The following LRRK1 variants were observed in gnomAD, a reference collection of about 807,000 sequenced individuals.
LRRK1 encodes leucine rich repeat kinase 1.
Under a neutral mutation model 209.1 loss-of-function variants are expected in LRRK1, and 113 were observed. The ratio of observed to expected loss-of-function variants is 0.54; its 90% CI spans 0.46 to 0.63. LRRK1 has a LOEUF of 0.63. Ranked by LOEUF, LRRK1 falls within the 30% of genes least tolerant of loss-of-function variation. The pLI is 0.00. For synonymous variants in LRRK1, 1,144 were observed against 1,099.7 expected, an observed-to-expected ratio of 1.04 and a Z score of -0.80; for missense variants, 2,284 against 2,632.2, an observed-to-expected ratio of 0.87 and a Z score of 2.89.
intron 3 of LRRK1, 80 bp downstream of exon 3, chr15:100,974,047 AT>A: frequency 4.3e-6 from 5 of 1,162,750 alleles, no homozygotes; most frequent in African/African-American, 1.6e-5. Flanking sequence ...TTTTCTCGTT[AT>A]TGTCATAACG....
chr15:100,922,765 G>A (rs888556106), intron 1 of LRRK1, among the ~76,000 whole-genome samples: 6 of 151,986 alleles, frequency 3.9e-5, no homozygotes, highest in African/African-American at 1.5e-4. Context: ...TTCCTCCTTC[G>A]ACTTTTCAGG....
Position 100,973,810 on chromosome 15 carries a change from G to C in LRRK1, c.104G>C (p.Gly35Ala), listed in dbSNP as rs1011877404. 1.1e-5 allele frequency: 14 copies of C among 1,292,116 alleles called. No homozygotes were observed. The highest frequency in any genetic ancestry group is 1.4e-5 in the Non-Finnish European group (14 of 1,017,442). The allele number at this position is 1,292,116 out of a possible 1,614,324, so 80.0% of individuals were successfully genotyped here. ...ERAMETLNGA[G>A]DTGGKPSTRG... ...TGTGCTTCCTCCCGCGCAGGTGCCGGGGACACGGGCGGCAAGCCGTCCACG... is the reference window on the plus strand; with the variant it reads ...TGTGCTTCCTCCCGCGCAGGTGCCGCGGACACGGGCGGCAAGCCGTCCACG... Residue 35 changes from glycine to alanine, a missense_variant, in exon 3 of 34, where the codon GGG becomes GCG. Coordinates refer to ENST00000388948, the MANE Select transcript of LRRK1 (RefSeq NM_024652.6).
intron 3 of LRRK1, among the ~76,000 whole-genome samples, chr15:100,982,028 A>C (rs1401957472): frequency 1.3e-5 from 2 of 152,212 alleles, no homozygotes; most frequent in Non-Finnish European, 2.9e-5. Flanking sequence ...TGTCACACAC[A>C]GTAGATCCTC....
intron 2 of LRRK1, among the ~76,000 whole-genome samples, chr15:100,942,571 A>G (rs1270218835): frequency 2.0e-5 from 3 of 152,256 alleles, no homozygotes; most frequent in Non-Finnish European, 4.4e-5. Flanking sequence ...TGTGTACACG[A>G]AAGTGTGATG....
chr15:101,016,912 T>C (rs999424655), intron 12 of LRRK1, among the ~76,000 whole-genome samples: 7 of 152,222 alleles, frequency 4.6e-5, no homozygotes, highest in Non-Finnish European at 7.3e-5. Flanking sequence ...CTAGTTTTTG[T>C]GCTGGTCACA....
intron 20 of LRRK1, among the ~76,000 whole-genome samples, chr15:101,033,984 T>C (rs552150713): frequency 1.3e-5 from 2 of 152,338 alleles, no homozygotes; most frequent in East Asian, 1.9e-4. Flanking sequence ...TGATATCTCA[T>C]TGTGGTTTTG....
At chr15:100,998,880 A>G (rs1198856598) in intron 6 of LRRK1, among the ~76,000 whole-genome samples, 1 of 152,070 alleles carries the variant, frequency 6.6e-6, no homozygotes, top group African/African-American at 2.4e-5. Flanking sequence ...GGTTGCATGG[A>G]TGAACAGGTG....
chr15:100,929,951 G>T (rs1312828139), intron 2 of LRRK1, among the ~76,000 whole-genome samples: 1 of 152,240 alleles, frequency 6.6e-6, no homozygotes, highest in African/African-American at 2.4e-5. Flanking sequence ...TGTGCTTCAT[G>T]CTTACAAAGC....
chr15:100,933,789 T>C (rs972470060), intron 2 of LRRK1, among the ~76,000 whole-genome samples: 3 of 111,960 alleles, frequency 2.7e-5, no homozygotes, highest in African/African-American at 7.0e-5. Flanking sequence ...ACCACTCCAC[T>C]CCAGCCTGGG....
chr15:101,053,269 C>T lies in LRRK1; in HGVS notation c.3903C>T (p.Phe1301=). ...HLRATDAMKN[F]SEFRQEASML... ...GGGCCACCGATGCCATGAAGAACTT[C>T]TCCGAGTTCCGGCAGGAGGCCAGCA... The change falls in exon 26 of 34, where the codon TTC becomes TTT. Residue 1301 remains phenylalanine (F), a synonymous_variant. Coordinates refer to ENST00000388948, the MANE Select transcript of LRRK1 (RefSeq NM_024652.6). The T allele has an allele frequency of 6.2e-7, 1 of 1,606,952 alleles. No homozygotes were observed. The highest frequency in any genetic ancestry group is 8.5e-7 in the Non-Finnish European group (1 of 1,179,972).
chr15:101,042,212 A>T (rs979595774), intron 20 of LRRK1, among the ~76,000 whole-genome samples: 2 of 152,144 alleles, frequency 1.3e-5, no homozygotes, highest in South Asian at 4.2e-4. Flanking sequence ...GATGGAAACA[A>T]ATTCTCTTTT....
At chr15:100,963,786 A>G (rs1008168629) in intron 2 of LRRK1, among the ~76,000 whole-genome samples, 1 of 152,190 alleles carries the variant, frequency 6.6e-6, no homozygotes, top group Non-Finnish European at 1.5e-5. Flanking sequence ...GCCTCCCACG[A>G]TGGCCAATGG....
Position 101,072,499 on chromosome 15 carries a change from A to T in LRRK1, c.*3651A>T, listed in dbSNP as rs1298821176. 6.6e-6 allele frequency: 1 copy of T among 152,308 alleles called. No individual in the cohort carries two copies. Among genetic ancestry groups the T allele is most frequent in the Non-Finnish European group, 1.5e-5 (1 of 68,082 alleles). The allele number at this position is 152,308 out of a possible 1,614,324, so 9.4% of individuals were successfully genotyped here. The stretch of plus-strand genomic sequence containing the variant: ...TGCAGCACAGTGCGTCAGGCCTCTG[A>T]GCCCAAGCCAAGCCATCGCATCCCC... On this transcript the variant is annotated 3_prime_UTR_variant, in exon 34 of 34. Coordinates refer to ENST00000388948, the MANE Select transcript of LRRK1 (RefSeq NM_024652.6).
intron 2 of LRRK1, among the ~76,000 whole-genome samples, chr15:100,949,725 A>G (rs1033974299): frequency 6.6e-6 from 1 of 152,190 alleles, no homozygotes; most frequent in African/African-American, 2.4e-5. Context: ...ACATCAATCA[A>G]TATAATAATC....
intron 2 of LRRK1, among the ~76,000 whole-genome samples, chr15:100,962,404 C>A (rs1190169773): frequency 6.6e-6 from 1 of 151,986 alleles, no homozygotes; most frequent in Non-Finnish European, 1.5e-5. Context: ...GTGGCAAACA[C>A]CTGTAATCCC....
At chr15:100,962,824 T>TATATATATA (rs1555461505) in intron 2 of LRRK1, among the ~76,000 whole-genome samples, 1 of 8,444 alleles carries the variant, frequency 1.2e-4, no homozygotes, top group African/African-American at 3.4e-4. Context: ...TATATATATA[T>TATATATATA]TTTTTTTTTT....
At chr15:101,011,865 T>C in intron 9 of LRRK1, 143 bp from the exon 10 acceptor site, 1 of 669,618 alleles carries the variant, frequency 1.5e-6, no homozygotes, top group South Asian at 1.9e-5. Context: ...GTGTGCAGCC[T>C]TCCAGCAACA....
intron 2 of LRRK1, among the ~76,000 whole-genome samples, chr15:100,937,572 T>C (rs2042323690): frequency 6.6e-6 from 1 of 151,996 alleles, no homozygotes; most frequent in Non-Finnish European, 1.5e-5. Context: ...TCTCACTCTG[T>C]CCCCCAGGCT....
chr15:101,044,964 T>A (rs1158189835), intron 20 of LRRK1, among the ~76,000 whole-genome samples: 1 of 152,212 alleles, frequency 6.6e-6, no homozygotes, highest in African/African-American at 2.4e-5. Context: ...ACTCAAGACC[T>A]GAAAGGCTGA....
Sources: allele counts gnomAD v4.1 joint callset (sites outside exome capture counted in the v4.1 genomes callset), GRCh38; gene constraint gnomAD v4.1.1; transcripts MANE v1.5; gene names NCBI Gene and HGNC (gene_info 2026-07-23, HGNC 2026-07-21).